PON2: variants seen among roughly 807,000 people sequenced by gnomAD.
PON2 encodes the protein paraoxonase 2.
PON2 carries 27 observed loss-of-function variants against 36.6 expected under a neutral mutation model. The observed-to-expected ratio is 0.74, with a 90% CI of 0.54 to 1.02. PON2 has a LOEUF of 1.02. PON2 is among the 50% of genes least tolerant of loss of function. The pLI, the probability that PON2 is intolerant of heterozygous loss-of-function variation, is 0.00. For missense variants in PON2, 363 were observed against 421.1 expected, an observed-to-expected ratio of 0.86 and a Z score of 1.21; for synonymous variants, 149 against 156.3, an observed-to-expected ratio of 0.95 and a Z score of 0.35.
Position 95,434,983 on chromosome 7 carries a change from G to A in PON2, c.-32C>T. 3 of 1,511,382 alleles carry A rather than the reference G, an allele frequency of 2.0e-6. 1 individual carries two copies. The highest frequency in any genetic ancestry group is 2.6e-6 in the Non-Finnish European group (3 of 1,135,968). 93.6% of individuals were successfully genotyped at this position (1,511,382 alleles called of 1,614,324 possible). On this transcript the variant is annotated 5_prime_UTR_variant, in exon 1 of 9. Transcript: ENST00000222572. Reference sequence around the variant, plus strand: ...GGAGCCGGGCGCGCTGCCTCGCTCCGGCCTGGCCAGCAGCTCCGTGGGCGG... The same window carrying A: ...GGAGCCGGGCGCGCTGCCTCGCTCCAGCCTGGCCAGCAGCTCCGTGGGCGG...
intron 1 of PON2, among the ~76,000 whole-genome samples, chr7:95,430,586 A>C (rs13223805): frequency 2.6e-5 from 4 of 151,828 alleles, no homozygotes; most frequent in African/African-American, 7.3e-5. Flanking sequence ...GTAATGAGCC[A>C]CCGTGCCCGG....
At chr7:95,423,837 G>A (rs1196403241) in intron 2 of PON2, among the ~76,000 whole-genome samples, 3 of 152,140 alleles carry the variant, frequency 2.0e-5, no homozygotes, top group Non-Finnish European at 4.4e-5. Context: ...CAATCTTGGT[G>A]GAAGGGGAAG....
chr7:95,419,797 T>G (rs1456986875), intron 2 of PON2, among the ~76,000 whole-genome samples: 3 of 152,202 alleles, frequency 2.0e-5, no homozygotes, highest in Non-Finnish European at 2.9e-5. Context: ...CTGTGTTGCT[T>G]CATCAGCATT....
chr7:95,425,494 C>T (rs1180225775), intron 1 of PON2, among the ~76,000 whole-genome samples: 3 of 152,220 alleles, frequency 2.0e-5, no homozygotes, highest in Non-Finnish European at 1.5e-5. Flanking sequence ...TTCACCTTCT[C>T]TGTTCTCTAG....
chr7:95,411,797 C>G lies in PON2; in HGVS notation c.368-18G>C. On this transcript the variant is annotated intron_variant, in intron 4 of 8. Transcript: ENST00000222572. ...TGTGTCATCTAAAGAATTGAAAGAACAGAGTTAATTTACAAGACATAACTA... is the reference window on the plus strand; with the variant it reads ...TGTGTCATCTAAAGAATTGAAAGAAGAGAGTTAATTTACAAGACATAACTA... 2.5e-6 allele frequency: 4 copies of G among 1,612,546 alleles called. No individual in the cohort carries two copies. The highest frequency in any genetic ancestry group is 2.7e-5 in the African/African-American group (2 of 74,968).
At position 95,434,898 on chromosome 7, in the gene PON2, G is replaced by A; in HGVS notation, c.54C>T (p.Gly18=). Reference sequence around the variant, plus strand: ...CCTACCTGAGTGCCAGAAGCCTCTCGCCCAGGAGCGCCAGCGCGATCCCCA... The same window carrying A: ...CCTACCTGAGTGCCAGAAGCCTCTCACCCAGGAGCGCCAGCGCGATCCCCA... ...GLLGIALALL[G]ERLLALRNRL... is the part of the protein sequence containing the mutation. The change falls in exon 1 of 9, where the codon GGC becomes GGT. Residue 18 remains glycine (G), a synonymous_variant. Coordinates refer to ENST00000222572, the MANE Select transcript of PON2 (RefSeq NM_000305.3). 2 of 1,539,934 alleles carry A rather than the reference G, an allele frequency of 1.3e-6. No homozygotes were observed. The highest frequency in any genetic ancestry group is 1.7e-6 in the Non-Finnish European group (2 of 1,145,154).
Position 95,405,335 on chromosome 7 carries a change from G to A in PON2, c.1060C>T (p.Leu354Phe). 6.2e-7 allele frequency: 1 copy of A among 1,613,528 alleles called. No homozygotes were observed. Among genetic ancestry groups the A allele is most frequent in the Middle Eastern group, 1.7e-4 (1 of 6,056 alleles). The change falls in exon 9 of 9, where the codon CTC (leucine) becomes TTC (phenylalanine). Residue 354 changes from leucine (L) to phenylalanine (F), a missense_variant. By Grantham distance (22) the Leu-to-Phe change is conservative (BLOSUM62 0). Transcript: ENST00000222572. ...TTTCATGCCAAAAGTACAATTTAGAGTTCACAATACAAGGCTCTGTGGTAT... is the reference window on the plus strand; with the variant it reads ...TTTCATGCCAAAAGTACAATTTAGAATTCACAATACAAGGCTCTGTGGTAT... ...TLYHRALYCE[L>F] is the part of the protein sequence containing the mutation.
chr7:95,413,886 T>C (rs1788998289), intron 3 of PON2, among the ~76,000 whole-genome samples: 1 of 152,206 alleles, frequency 6.6e-6, no homozygotes, highest in Non-Finnish European at 1.5e-5. Context: ...TATGCTATTG[T>C]TACATGGCAG....
chr7:95,409,024 C>CTCT (rs1247322319), intron 6 of PON2, among the ~76,000 whole-genome samples: 2 of 152,052 alleles, frequency 1.3e-5, no homozygotes, highest in African/African-American at 4.8e-5. Flanking sequence ...TTATAATACT[C>CTCT]TCTTAGAGCC....
At chr7:95,417,648 C>T (rs1031304575) in intron 2 of PON2, among the ~76,000 whole-genome samples, 15 of 149,420 alleles carry the variant, frequency 1.0e-4, no homozygotes, top group Non-Finnish European at 1.8e-4. Flanking sequence ...GAACGCTACA[C>T]CACATACACA....
At chr7:95,416,596 G>C (rs1263678014) in intron 2 of PON2, 1 of 423,168 alleles carries the variant, frequency 2.4e-6, no homozygotes, top group African/African-American at 2.0e-5. Context: ...TAAACATCCA[G>C]ATGTCCGTAT....
At chr7:95,433,699 T>C (rs908300775) in intron 1 of PON2, among the ~76,000 whole-genome samples, 3 of 152,222 alleles carry the variant, frequency 2.0e-5, no homozygotes, top group Admixed American at 2.0e-4. Context: ...TCCCTTCAAA[T>C]TGGCCCATTT....
intron 2 of PON2, among the ~76,000 whole-genome samples, chr7:95,421,903 G>C (rs980385086): frequency 1.3e-5 from 2 of 152,202 alleles, no homozygotes; most frequent in African/African-American, 4.8e-5. Context: ...CTAAAAGAGT[G>C]CTGAGAACTC....
intron 6 of PON2, among the ~76,000 whole-genome samples, chr7:95,408,811 A>C (rs1809779098): frequency 6.6e-6 from 1 of 152,236 alleles, no homozygotes; most frequent in South Asian, 2.1e-4. Flanking sequence ...TGCATATAAA[A>C]ATAATGAGAT....
At chr7:95,419,847 C>A (rs1363895511) in intron 2 of PON2, among the ~76,000 whole-genome samples, 1 of 152,140 alleles carries the variant, frequency 6.6e-6, no homozygotes, top group East Asian at 1.9e-4. Flanking sequence ...CACCTAACTA[C>A]CCTAGGCCAT....
chr7:95,417,831 C>T (rs1789104210), intron 2 of PON2, among the ~76,000 whole-genome samples: 1 of 91,824 alleles, frequency 1.1e-5, no homozygotes, highest in African/African-American at 4.1e-5. Context: ...AATTTAATTT[C>T]CAAGTATACA....
At chr7:95,418,948 C>A (rs1008126781) in intron 2 of PON2, among the ~76,000 whole-genome samples, 1 of 152,240 alleles carries the variant, frequency 6.6e-6, no homozygotes, top group African/African-American at 2.4e-5. Context: ...GTCTTGTTTC[C>A]CTTGCAGTCC....
chr7:95,412,695 T>C lies in PON2; in HGVS notation c.202-218A>G, dbSNP rs1788960825. On this transcript the variant is annotated intron_variant, in intron 3 of 8. Coordinates refer to ENST00000222572, the MANE Select transcript of PON2 (RefSeq NM_000305.3). ...AACTGAAAAGAAGATCAGGGATTTATTCTCTTCAGAGAGTAATCAGAAGGT... is the reference window on the plus strand; with the variant it reads ...AACTGAAAAGAAGATCAGGGATTTACTCTCTTCAGAGAGTAATCAGAAGGT... The C allele has an allele frequency of 2.5e-5, 14 of 564,056 alleles. No homozygotes were observed. The South Asian group carries it at 2.6e-4, about 11-fold the overall frequency. 34.9% of individuals were successfully genotyped at this position (564,056 alleles called of 1,614,324 possible).
At chr7:95,431,185 G>C (rs1326622878) in intron 1 of PON2, among the ~76,000 whole-genome samples, 1 of 152,178 alleles carries the variant, frequency 6.6e-6, no homozygotes, top group African/African-American at 2.4e-5. Context: ...TGGAATCCCA[G>C]TTACAGTTCA....
Sources: gnomAD v4.1 joint callset for allele counts (sites outside exome capture counted in the v4.1 genomes callset) on GRCh38, gnomAD v4.1.1 for gene constraint, MANE v1.5 for transcripts, NCBI Gene and HGNC (gene_info 2026-07-23, HGNC 2026-07-21) for gene names.